Variants in DSCAM observed in about 807,000 individuals in gnomAD.
DSCAM encodes cell adhesion molecule DSCAM.
Under a neutral mutation model 217.7 loss-of-function variants are expected in DSCAM, and 47 were observed. The ratio of observed to expected loss-of-function variants is 0.22; its 90% confidence interval spans 0.17 to 0.28. DSCAM has a LOEUF of 0.28. DSCAM is among the 10% of genes least tolerant of loss of function. The pLI is 1.00. For missense variants in DSCAM, 2,080 were observed against 2,618.3 expected, an observed-to-expected ratio of 0.79 and a Z score of 4.49; for synonymous variants, 1,056 against 1,015.3, an observed-to-expected ratio of 1.04 and a Z score of -0.76.
At chr21:40,790,658 G>A (rs556793299) in intron 1 of DSCAM, among the ~76,000 whole-genome samples, 2 of 152,324 alleles carry the variant, frequency 1.3e-5, no homozygotes, top group South Asian at 2.1e-4. Flanking sequence ...GTGCACATGT[G>A]TATGTGAGTG....
intron 3 of DSCAM, among the ~76,000 whole-genome samples, chr21:40,413,995 T>C (rs1464512470): frequency 6.6e-6 from 1 of 152,198 alleles, no homozygotes; most frequent in Non-Finnish European, 1.5e-5. Flanking sequence ...CTCATAGACC[T>C]AAATGTAAGA....
At chr21:40,617,304 T>C (rs1391272797) in intron 3 of DSCAM, among the ~76,000 whole-genome samples, 2 of 151,732 alleles carry the variant, frequency 1.3e-5, no homozygotes, top group African/African-American at 4.8e-5. Flanking sequence ...TTTTGTATTT[T>C]TAGTAGAGAC....
intron 3 of DSCAM, among the ~76,000 whole-genome samples, chr21:40,504,196 G>GAGAAAAGAGGA (rs2076192650): frequency 6.6e-6 from 1 of 152,140 alleles, no homozygotes; most frequent in Admixed American, 6.5e-5. Flanking sequence ...GAGAAAAGAA[G>GAGAAAAGAGGA]AGAAAAGAGG....
chr21:40,600,473 C>A (rs2077053990), intron 3 of DSCAM, among the ~76,000 whole-genome samples: 1 of 152,156 alleles, frequency 6.6e-6, no homozygotes, highest in African/African-American at 2.4e-5. Context: ...AAGGCCCCAC[C>A]TCCTAAGACT....
At chr21:40,829,023 G>A (rs775141776) in intron 1 of DSCAM, among the ~76,000 whole-genome samples, 1 of 152,182 alleles carries the variant, frequency 6.6e-6, no homozygotes, top group Non-Finnish European at 1.5e-5. Context: ...GGCCTGCCCT[G>A]TCCTACTCCC....
intron 11 of DSCAM, among the ~76,000 whole-genome samples, chr21:40,197,307 A>G (rs377681173): frequency 2.0e-5 from 3 of 152,148 alleles, no homozygotes; most frequent in African/African-American, 7.2e-5. Context: ...TTTAGTAGAG[A>G]GAGGGTTTCA....
chr21:40,574,290 G>C (rs1394047033), intron 3 of DSCAM, among the ~76,000 whole-genome samples: 3 of 152,120 alleles, frequency 2.0e-5, no homozygotes, highest in African/African-American at 7.2e-5. Context: ...ACCATGTCAA[G>C]TTTATTTTCT....
At chr21:40,735,084 A>T (rs575958750) in intron 1 of DSCAM, among the ~76,000 whole-genome samples, 8 of 152,294 alleles carry the variant, frequency 5.3e-5, no homozygotes, top group South Asian at 4.1e-4. Flanking sequence ...GGAATTCATT[A>T]CTCTCTGTTC....
intron 3 of DSCAM, among the ~76,000 whole-genome samples, chr21:40,593,982 T>G (rs957901516): frequency 3.9e-5 from 6 of 152,238 alleles, no homozygotes; most frequent in African/African-American, 1.4e-4. Flanking sequence ...GTTGTTGTTT[T>G]CGTTTATGCT....
chr21:40,801,772 G>A (rs1238329045), intron 1 of DSCAM, among the ~76,000 whole-genome samples: 1 of 152,230 alleles, frequency 6.6e-6, no homozygotes, highest in Non-Finnish European at 1.5e-5. Context: ...CAGCATGCAT[G>A]TGGTGCTAAT....
chr21:40,137,693 A>T (rs568149473), intron 18 of DSCAM, among the ~76,000 whole-genome samples: 2 of 152,020 alleles, frequency 1.3e-5, no homozygotes, highest in African/African-American at 2.4e-5. Context: ...AAATAAAATT[A>T]AAAAAATATA....
In DSCAM at chr21:40,620,024, GAA is replaced by G. The variant is rs1568941810; in HGVS notation, c.508+72784_508+72785del. 8.2e-5 allele frequency among the ~76,000 whole-genome samples: 8 copies of G among 97,676 alleles called. No individual in the cohort carries two copies. In the East Asian group the frequency reaches 1.4e-3, roughly 17 times the overall value. 64.1% of individuals were successfully genotyped at this position (97,676 alleles called of 152,430 possible). On this transcript the variant is annotated intron_variant, in intron 3 of 32. Coordinates refer to ENST00000400454, the MANE Select transcript of DSCAM (RefSeq NM_001389.5). ...AAGAGAGAGAAAAAAGAAAAAGAAA[GAA>G]AGAGAGAGAGAAAGAGAGAGAAAAA... is the stretch of plus-strand genomic sequence containing the variant.
intron 1 of DSCAM, among the ~76,000 whole-genome samples, chr21:40,801,317 A>G (rs1420223137): frequency 6.6e-6 from 1 of 152,230 alleles, no homozygotes; most frequent in Non-Finnish European, 1.5e-5. Flanking sequence ...ATTTATAATT[A>G]AAAGAGAAAC....
At chr21:40,775,487 T>C (rs963759318) in intron 1 of DSCAM, among the ~76,000 whole-genome samples, 1 of 152,100 alleles carries the variant, frequency 6.6e-6, no homozygotes, top group African/African-American at 2.4e-5. Flanking sequence ...AGGTGCACCA[T>C]CCAATTCGCT....
intron 3 of DSCAM, among the ~76,000 whole-genome samples, chr21:40,412,865 AGGAAAAAGT>A (rs2075335956): frequency 6.6e-6 from 1 of 152,214 alleles, no homozygotes; most frequent in African/African-American, 2.4e-5. Flanking sequence ...ACAGACCTGA[AGGAAAAAGT>A]GGTTTCATGG....
chr21:40,407,092 T>G (rs66519541), intron 3 of DSCAM, among the ~76,000 whole-genome samples: 1 of 152,082 alleles, frequency 6.6e-6, no homozygotes, highest in African/African-American at 2.4e-5. Flanking sequence ...CTATAGTTAA[T>G]AGCAATGTAT....
chr21:40,472,397 C>T (rs909183), intron 3 of DSCAM, among the ~76,000 whole-genome samples: 149,315 of 152,342 alleles, frequency 0.98, 73,188 homozygotes, highest in East Asian at 1. Context: ...GAAGCAAACC[C>T]GTAAAACTAA....
At chr21:40,311,978 T>G (rs2074143382) in intron 9 of DSCAM, 103 bp downstream of exon 9, 1 of 521,476 alleles carries the variant, frequency 1.9e-6, no homozygotes, top group African/African-American at 2.0e-5. Context: ...TAAAACTGAA[T>G]TTCTAAGTTC....
chr21:40,828,794 T>C (rs1042982641), intron 1 of DSCAM, among the ~76,000 whole-genome samples: 4 of 152,208 alleles, frequency 2.6e-5, no homozygotes, highest in African/African-American at 9.6e-5. Flanking sequence ...TAGCTGGGAC[T>C]ACAGGCACAT....
Sources: gnomAD v4.1 joint callset for allele counts (sites outside exome capture counted in the v4.1 genomes callset) on GRCh38, gnomAD v4.1.1 for gene constraint, MANE v1.5 for transcripts, NCBI Gene and HGNC (gene_info 2026-07-23, HGNC 2026-07-21) for gene names.